The following PTGIS variants were observed in gnomAD, a reference collection of about 807,000 sequenced individuals.
The protein encoded by PTGIS is prostacyclin synthase.
PTGIS carries 45 observed loss-of-function variants against 50.3 expected under a neutral mutation model. That is an observed-to-expected ratio of 0.90 (90% CI 0.70 to 1.15). The LOEUF (loss-of-function observed/expected upper bound fraction) is 1.15. PTGIS is among the 50% of genes most tolerant of loss of function. PTGIS has a pLI of 0.00. For synonymous variants in PTGIS, 260 were observed against 267.7 expected, an observed-to-expected ratio of 0.97 and a Z score of 0.28; for missense variants, 668 against 661.3, an observed-to-expected ratio of 1.01 and a Z score of -0.11.
At chr20:49,563,684 G>C (rs6019904) in intron 1 of PTGIS, among the ~76,000 whole-genome samples, 10,746 of 152,236 alleles carry the variant, frequency 0.071, 1,280 homozygotes, top group African/African-American at 0.24. Flanking sequence ...ATCCAGTCAC[G>C]GACCACTGTT....
intron 1 of PTGIS, among the ~76,000 whole-genome samples, chr20:49,554,457 T>G (rs1477300232): frequency 6.6e-6 from 1 of 152,224 alleles, no homozygotes; most frequent in East Asian, 1.9e-4. Flanking sequence ...GCTGTTTAGT[T>G]ACAGGGCTTT....
chr20:49,565,424 T>C (rs1019053080), intron 1 of PTGIS, among the ~76,000 whole-genome samples: 1 of 152,148 alleles, frequency 6.6e-6, no homozygotes, highest in Non-Finnish European at 1.5e-5. Context: ...ATTCCAGCAC[T>C]TTGGGAGGCT....
chr20:49,544,541 C>G, intron 3 of PTGIS, 93 bp from the exon 4 acceptor site: 1 of 1,437,384 alleles, frequency 7.0e-7, no homozygotes, highest in South Asian at 1.2e-5. Flanking sequence ...GGTCCCAGAG[C>G]TCAAGCTCCC....
intron 5 of PTGIS, among the ~76,000 whole-genome samples, chr20:49,534,327 A>G (rs57994712): frequency 0.032 from 4,875 of 152,314 alleles, 270 homozygotes; most frequent in African/African-American, 0.11. Context: ...AGAGGCTGCA[A>G]TGCTTCAAGC....
At chr20:49,522,214 T>G (rs1981669402) in intron 6 of PTGIS, among the ~76,000 whole-genome samples, 1 of 152,058 alleles carries the variant, frequency 6.6e-6, no homozygotes, top group Non-Finnish European at 1.5e-5. Flanking sequence ...ACTTGCTGTT[T>G]CCCTTATTTG....
chr20:49,534,122 T>C (rs763765085), intron 5 of PTGIS, among the ~76,000 whole-genome samples: 3 of 152,218 alleles, frequency 2.0e-5, no homozygotes, highest in Non-Finnish European at 4.4e-5. Context: ...GATGAATGCA[T>C]AATTTATTTA....
intron 8 of PTGIS, 46 bp from the exon 9 acceptor site, chr20:49,511,225 G>A: frequency 6.2e-7 from 1 of 1,608,236 alleles, no homozygotes; most frequent in South Asian, 1.1e-5. Flanking sequence ...CCCAGAACAA[G>A]CTCACACCAA....
chr20:49,508,976 C>T lies in PTGIS; in HGVS notation c.1359-912G>A, dbSNP rs554732846. 1.5e-4 allele frequency among the ~76,000 whole-genome samples: 23 copies of T among 152,302 alleles called. No individual in the cohort carries two copies. The South Asian group carries it at 1.7e-3, about 11-fold the overall frequency. ...TATTCCCTACCCCAACCCAGGCGCC[C>T]GATGCAGCACTGAGCACATGGTGGG... On this transcript the variant is annotated intron_variant, in intron 9 of 9. Coordinates refer to ENST00000244043, the MANE Select transcript of PTGIS (RefSeq NM_000961.4).
At chr20:49,564,303 G>A (rs1423709896) in intron 1 of PTGIS, among the ~76,000 whole-genome samples, 2 of 151,972 alleles carry the variant, frequency 1.3e-5, no homozygotes, top group Non-Finnish European at 2.9e-5. Context: ...CCAGGCTGGA[G>A]TGCAATGGCG....
chr20:49,547,037 G>A (rs752649522), intron 3 of PTGIS, among the ~76,000 whole-genome samples: 7 of 152,204 alleles, frequency 4.6e-5, no homozygotes, highest in Non-Finnish European at 8.8e-5. Flanking sequence ...TTCGAGACCT[G>A]CCTGGACAAC....
intron 5 of PTGIS, among the ~76,000 whole-genome samples, chr20:49,533,151 T>C (rs1479796782): frequency 6.6e-6 from 1 of 152,122 alleles, no homozygotes; most frequent in African/African-American, 2.4e-5. Context: ...CTTGAATACC[T>C]CTCAAGTTTT....
chr20:49,514,156 G>A (rs1268104739), intron 7 of PTGIS, 71 bp downstream of exon 7: 26 of 1,580,444 alleles, frequency 1.6e-5, no homozygotes, highest in Non-Finnish European at 2.2e-5. Flanking sequence ...AGGAGTCCAT[G>A]TTGGGGAGGG....
intron 9 of PTGIS, among the ~76,000 whole-genome samples, chr20:49,509,428 G>A (rs1449469335): frequency 1.3e-5 from 2 of 152,196 alleles, no homozygotes; most frequent in Admixed American, 6.5e-5. Context: ...TTTAGTACCC[G>A]CTATCTCTTT....
chr20:49,539,895 T>C (rs1468806775), intron 4 of PTGIS, among the ~76,000 whole-genome samples, 174 bp from the exon 5 acceptor site: 1 of 152,154 alleles, frequency 6.6e-6, no homozygotes, highest in Admixed American at 6.5e-5. Flanking sequence ...ATCCCTGTCC[T>C]CAAGGAGCTG....
At chr20:49,545,434 GA>G (rs11435089) in intron 3 of PTGIS, among the ~76,000 whole-genome samples, 111 of 137,526 alleles carry the variant, frequency 8.1e-4, no homozygotes, top group Middle Eastern at 3.8e-3. Flanking sequence ...AAAAAGAAAA[GA>G]AAAAAAAAAA....
chr20:49,513,636 T>C (rs150944682), intron 7 of PTGIS, among the ~76,000 whole-genome samples: 3,446 of 152,270 alleles, frequency 0.023, 59 homozygotes, highest in Non-Finnish European at 0.029. Flanking sequence ...TCTCTCATTC[T>C]CAGGGGTTAG....
intron 5 of PTGIS, among the ~76,000 whole-genome samples, chr20:49,535,102 G>C (rs1011130677): frequency 6.6e-6 from 1 of 152,166 alleles, no homozygotes; most frequent in Non-Finnish European, 1.5e-5. Context: ...CATCAGATTG[G>C]CAATTATTTA....
intron 5 of PTGIS, among the ~76,000 whole-genome samples, chr20:49,528,801 T>G (rs1032499899): frequency 6.6e-6 from 1 of 152,148 alleles, no homozygotes; most frequent in African/African-American, 2.4e-5. Flanking sequence ...TAGTATGCAT[T>G]TGTGGAAAAA....
intron 6 of PTGIS, among the ~76,000 whole-genome samples, chr20:49,514,821 G>A (rs1204552763): frequency 1.3e-5 from 2 of 152,168 alleles, no homozygotes. Context: ...AAGAGCCAGA[G>A]CGTATTTCCC....
Sources: gnomAD v4.1 joint callset for allele counts (sites outside exome capture counted in the v4.1 genomes callset) on GRCh38, gnomAD v4.1.1 for gene constraint, MANE v1.5 for transcripts, NCBI Gene and HGNC (gene_info 2026-07-23, HGNC 2026-07-21) for gene names.